ZMYM4: variants seen among roughly 807,000 people sequenced by gnomAD.
The protein encoded by ZMYM4 is zinc finger MYM-type containing 4, also known as zinc finger MYM-type protein 4.
A neutral mutation model predicts 183.2 loss-of-function variants in ZMYM4; 31 were observed. The ratio of observed to expected loss-of-function variants is 0.17; its 90% CI spans 0.13 to 0.23. The LOEUF is 0.23. Ranked by LOEUF, ZMYM4 falls within the 10% of genes least tolerant of loss-of-function variation. ZMYM4 has a pLI of 1.00. For synonymous variants in ZMYM4, 592 were observed against 631.2 expected, an observed-to-expected ratio of 0.94 and a Z score of 0.93; for missense variants, 1,273 against 1,840.3, an observed-to-expected ratio of 0.69 and a Z score of 5.64.
At chr1:35,390,618 A>C (rs1644684243) in intron 15 of ZMYM4, among the ~76,000 whole-genome samples, 1 of 152,340 alleles carries the variant, frequency 6.6e-6, no homozygotes, top group African/African-American at 2.4e-5. Flanking sequence ...GTGTACCTGC[A>C]GGTCAGAGGG....
chr1:35,375,438 G>C (rs1644314053), intron 7 of ZMYM4, among the ~76,000 whole-genome samples: 1 of 152,152 alleles, frequency 6.6e-6, no homozygotes, highest in African/African-American at 2.4e-5. Flanking sequence ...CACCTAGCTG[G>C]TTAATTTTGG....
intron 2 of ZMYM4, among the ~76,000 whole-genome samples, chr1:35,334,132 A>C (rs1322020288): frequency 6.6e-6 from 1 of 151,942 alleles, no homozygotes. Context: ...CCTGGGCAAC[A>C]TGGCGAAACT....
At position 35,421,762 on chromosome 1, in the gene ZMYM4, C is replaced by CT. The variant is rs1204589193; in HGVS notation, c.*2091dup. 4 of 152,158 alleles carry CT rather than the reference C, an allele frequency of 2.6e-5. No homozygotes were observed. In the East Asian group the frequency reaches 7.7e-4, roughly 29 times the overall value. The allele number at this position is 152,158 out of a possible 1,614,324, so 9.4% of individuals were successfully genotyped here. ...TGTTGATGTGTGCGTCTGATTATTG[C>CT]TTTTTTAATTTTATGAAAATTGTGT... On this transcript the variant is annotated 3_prime_UTR_variant, in exon 30 of 30. Coordinates refer to ENST00000314607, the MANE Select transcript of ZMYM4 (RefSeq NM_005095.3).
At position 35,405,158 on chromosome 1, in the gene ZMYM4, A is replaced by G; in HGVS notation, c.3664A>G (p.Asn1222Asp). Residue 1222 changes from asparagine (N) to aspartate (D), a missense_variant, in exon 24 of 30, where the codon AAT becomes GAT. Asn to Asp is a conservative substitution (Grantham distance 23). Around this residue, in one of 6 missense-constraint regions of ZMYM4, gnomAD observed 133 missense variants for 155.7 expected, o/e 0.85. Coordinates refer to ENST00000314607, the MANE Select transcript of ZMYM4 (RefSeq NM_005095.3). ...NAWKNWVQWKNAKEEQGDLKC... is the reference protein window; with the variant it reads ...NAWKNWVQWKDAKEEQGDLKC... ...TTGGAAGAACTGGGTTCAGTGGAAA[A>G]ATGCCAAGGAAGAGCAGGGGGATCT... The G allele has an allele frequency of 6.2e-7, 1 of 1,614,094 alleles. No homozygotes were observed. The highest frequency in any genetic ancestry group is 8.5e-7 in the Non-Finnish European group (1 of 1,179,982).
At chr1:35,403,011 G>A (rs1570534621) in intron 23 of ZMYM4, among the ~76,000 whole-genome samples, 1 of 152,156 alleles carries the variant, frequency 6.6e-6, no homozygotes, top group East Asian at 1.9e-4. Context: ...TTTCTCATAG[G>A]TGGTTTCTAT....
intron 1 of ZMYM4, among the ~76,000 whole-genome samples, chr1:35,304,637 T>C (rs966612846): frequency 1.4e-5 from 2 of 147,916 alleles, no homozygotes; most frequent in African/African-American, 5.0e-5. Context: ...TTTTTTTTTG[T>C]ATTTTTTTTT....
chr1:35,270,734 G>T (rs1639554542), intron 1 of ZMYM4, among the ~76,000 whole-genome samples: 1 of 152,114 alleles, frequency 6.6e-6, no homozygotes, highest in Admixed American at 6.6e-5. Context: ...CCGAGATCGT[G>T]CTACTGCACT....
intron 2 of ZMYM4, among the ~76,000 whole-genome samples, chr1:35,348,959 A>T (rs919238481): frequency 6.6e-6 from 1 of 152,160 alleles, no homozygotes; most frequent in Non-Finnish European, 1.5e-5. Flanking sequence ...TCAGATTGCA[A>T]TCATGAAGAT....
Position 35,392,359 on chromosome 1 carries a change from C to T in ZMYM4, c.2728+7C>T. On this transcript the variant is annotated splice_region_variant and intron_variant, in intron 16 of 29. Transcript: ENST00000314607. ...TCTAACAGTGTCTTACAAGGTATGG[C>T]TTGATTGGAAAGCATTTATCTAGCC... is the stretch of plus-strand genomic sequence containing the variant. 6.2e-7 allele frequency: 1 copy of T among 1,610,622 alleles called. No individual in the cohort carries two copies.
chr1:35,373,239 C>CAT (rs149850987), intron 7 of ZMYM4, among the ~76,000 whole-genome samples: 2,479 of 148,002 alleles, frequency 0.017, 40 homozygotes, highest in African/African-American at 0.041. Context: ...TATATATATG[C>CAT]ATATATATAT....
At chr1:35,314,464 T>C (rs1641948413) in intron 1 of ZMYM4, among the ~76,000 whole-genome samples, 1 of 151,504 alleles carries the variant, frequency 6.6e-6, no homozygotes, top group Non-Finnish European at 1.5e-5. Flanking sequence ...TTTGTATTTT[T>C]AGTAGAGACG....
At chr1:35,284,032 A>G (rs1640340863) in intron 1 of ZMYM4, among the ~76,000 whole-genome samples, 1 of 151,298 alleles carries the variant, frequency 6.6e-6, no homozygotes. Flanking sequence ...TGCGGACTGC[A>G]GTGGCGCAAT....
chr1:35,368,061 G>GCCCCCCCCCC (rs376935993), intron 5 of ZMYM4, among the ~76,000 whole-genome samples: 1 of 98,288 alleles, frequency 1.0e-5, no homozygotes, highest in African/African-American at 4.1e-5. Flanking sequence ...CAAATCCAGC[G>GCCCCCCCCCC]CCCCCCCCCC....
At chr1:35,372,866 A>T (rs1204733993) in intron 7 of ZMYM4, among the ~76,000 whole-genome samples, 1 of 152,190 alleles carries the variant, frequency 6.6e-6, no homozygotes, top group African/African-American at 2.4e-5. Context: ...TCTTTAAAAT[A>T]TGATGTTGTG....
chr1:35,280,142 CTCT>C (rs1478096674), intron 1 of ZMYM4, among the ~76,000 whole-genome samples: 1 of 150,784 alleles, frequency 6.6e-6, no homozygotes, highest in African/African-American at 2.4e-5. Context: ...CTCTCTCTCT[CTCT>C]TTCTTTCTTC....
At chr1:35,293,167 A>AT (rs968963130) in intron 1 of ZMYM4, among the ~76,000 whole-genome samples, 9 of 150,624 alleles carry the variant, frequency 6.0e-5, no homozygotes, top group African/African-American at 9.8e-5. Flanking sequence ...TGCTCGGCTA[A>AT]TTTTTTTTTC....
Position 35,386,178 on chromosome 1 carries a change from G to A in ZMYM4, c.1825G>A (p.Val609Ile), listed in dbSNP as rs754337348. 5.0e-6 allele frequency: 8 copies of A among 1,612,980 alleles called. No individual in the cohort carries two copies. The highest frequency in any genetic ancestry group is 6.8e-6 in the Non-Finnish European group (8 of 1,179,468). Residue 609 changes from valine (V) to isoleucine (I), a missense_variant, in exon 11 of 30, where the codon GTA becomes ATA. Coordinates refer to ENST00000314607, the MANE Select transcript of ZMYM4 (RefSeq NM_005095.3). ...IRNFCSYSCV[V>I]AFQNLFNKPT... ...CAACTTCTGCAGCTACAGCTGTGTG[G>A]TAGCTTTCCAGGTATGGCTTCAGGA...
At chr1:35,353,716 C>T (rs1158446880) in intron 2 of ZMYM4, among the ~76,000 whole-genome samples, 1 of 152,132 alleles carries the variant, frequency 6.6e-6, no homozygotes, top group African/African-American at 2.4e-5. Flanking sequence ...ATATGGATCA[C>T]AAGGATGAGA....
chr1:35,274,555 A>G (rs1570215702), intron 1 of ZMYM4, among the ~76,000 whole-genome samples: 2 of 150,330 alleles, frequency 1.3e-5, no homozygotes, highest in African/African-American at 2.4e-5. Context: ...GCATTGAACT[A>G]TGATTGTGCC....
Sources: allele counts gnomAD v4.1 joint callset (sites outside exome capture counted in the v4.1 genomes callset), GRCh38; gene constraint gnomAD v4.1.1; regional missense constraint gnomAD v4.1.1; transcripts MANE v1.5; gene names NCBI Gene and HGNC (gene_info 2026-07-23, HGNC 2026-07-21).